Variants in POLR1A observed in about 807,000 individuals in gnomAD.
POLR1A encodes DNA-directed RNA polymerase I subunit RPA1.
A neutral mutation model predicts 205.3 loss-of-function variants in POLR1A; 84 were observed. The observed-to-expected ratio is 0.41, with a 90% CI of 0.34 to 0.49. POLR1A has a LOEUF of 0.49. POLR1A is among the 20% of genes least tolerant of loss of function. POLR1A has a pLI of 0.22. For missense variants in POLR1A, 1,645 were observed against 2,204.5 expected (o/e 0.75, Z 5.08); for synonymous variants, 799 against 863.7 (o/e 0.93, Z 1.31).
chr2:86,079,526 C>T (rs779661267), intron 9 of POLR1A, among the ~76,000 whole-genome samples: 9 of 151,920 alleles, frequency 5.9e-5, no homozygotes, highest in Non-Finnish European at 1.2e-4. Context: ...CCCTCAGAGG[C>T]GAAGCATTTG....
rs1690211173 is a variant in POLR1A at position 86,024,086 on chromosome 2, A to T, written c.*3337T>A. The T allele has an allele frequency of 6.5e-6, 1 of 153,432 alleles. No homozygotes were observed. The highest frequency in any genetic ancestry group is 1.5e-5 in the Non-Finnish European group (1 of 68,790). 9.5% of individuals were successfully genotyped at this position (153,432 alleles called of 1,614,324 possible). A position where few individuals can be genotyped will look rare whatever the true frequency, so the allele number is the denominator to read the frequency against. ...TATCCATGTTCACAGCGTTATTTGC[A>T]ACAGCCAAGAGGTGGAGGCAACCCA... On this transcript the variant is annotated 3_prime_UTR_variant, in exon 34 of 34. Coordinates refer to ENST00000263857, the MANE Select transcript of POLR1A (RefSeq NM_015425.6).
intron 14 of POLR1A, among the ~76,000 whole-genome samples, chr2:86,058,616 T>C (rs1672942843): frequency 6.6e-6 from 1 of 151,470 alleles, no homozygotes; most frequent in Admixed American, 6.6e-5. Flanking sequence ...AATGTATAAT[T>C]TACTTTCTGG....
intron 8 of POLR1A, 81 bp from the exon 9 acceptor site, chr2:86,081,059 G>A: frequency 2.3e-6 from 3 of 1,304,608 alleles, no homozygotes; most frequent in Admixed American, 4.0e-5. Flanking sequence ...CATGCCTACT[G>A]TAGGGAGCAC....
chr2:86,058,374 C>T (rs1057491383), intron 14 of POLR1A, among the ~76,000 whole-genome samples: 6 of 146,576 alleles, frequency 4.1e-5, no homozygotes, highest in Admixed American at 4.1e-4. Flanking sequence ...GCTGGGATTA[C>T]AGGTGTGAGC....
At chr2:86,048,060 T>C (rs1672738525) in intron 18 of POLR1A, among the ~76,000 whole-genome samples, 1 of 152,178 alleles carries the variant, frequency 6.6e-6, no homozygotes, top group Non-Finnish European at 1.5e-5. Context: ...GGATGGAACC[T>C]GTCCCCATGA....
At chr2:86,076,195 C>T (rs930445676) in intron 11 of POLR1A, among the ~76,000 whole-genome samples, 6 of 152,140 alleles carry the variant, frequency 3.9e-5, no homozygotes, top group Non-Finnish European at 7.4e-5. Context: ...CTAATGCTTC[C>T]AAATGTACAC....
intron 6 of POLR1A, among the ~76,000 whole-genome samples, chr2:86,087,230 C>T (rs1673517977): frequency 6.6e-6 from 1 of 152,208 alleles, no homozygotes; most frequent in Admixed American, 6.5e-5. Flanking sequence ...TTATCCTAAA[C>T]TATAACATTT....
intron 12 of POLR1A, among the ~76,000 whole-genome samples, chr2:86,074,153 G>T (rs763619332): frequency 6.6e-6 from 1 of 152,190 alleles, no homozygotes; most frequent in Non-Finnish European, 1.5e-5. Flanking sequence ...GGGCACCGCC[G>T]CAAGGCCAGG....
chr2:86,092,749 C>T (rs1011842581), intron 3 of POLR1A, among the ~76,000 whole-genome samples: 10 of 152,100 alleles, frequency 6.6e-5, no homozygotes, highest in Admixed American at 4.6e-4. Context: ...CACTTGAACC[C>T]GGGAGGTGGA....
Position 86,044,219 on chromosome 2 carries a change from A to G in POLR1A, c.3055T>C (p.Tyr1019His). 5 of 1,614,050 alleles carry G rather than the reference A, an allele frequency of 3.1e-6. No homozygotes were observed. Among genetic ancestry groups the G allele is most frequent in the Non-Finnish European group, 4.2e-6 (5 of 1,180,006 alleles). ...GGGATGTCCAGGCCATCCTCCCCATACAGGAACTGCACCACACTGCCGTCA... is the reference window on the plus strand; with the variant it reads ...GGGATGTCCAGGCCATCCTCCCCATGCAGGAACTGCACCACACTGCCGTCA... ...DSDGSVVQFL[Y>H]GEDGLDIPKT... The change falls in exon 22 of 34, where the codon TAT (tyrosine) becomes CAT (histidine). Residue 1019 changes from tyrosine (Y) to histidine (H), a missense_variant. Tyr to His is a moderately conservative substitution (Grantham distance 83, BLOSUM62 2). Coordinates refer to ENST00000263857, the MANE Select transcript of POLR1A (RefSeq NM_015425.6).
intron 13 of POLR1A, among the ~76,000 whole-genome samples, chr2:86,068,157 G>A (rs1673114839): frequency 6.6e-6 from 1 of 152,110 alleles, no homozygotes; most frequent in Non-Finnish European, 1.5e-5. Flanking sequence ...ACTGGTCTGA[G>A]GACTTCAGAG....
chr2:86,100,031 G>A lies in POLR1A; in HGVS notation c.219C>T (p.Asn73=), dbSNP rs772527038. ...VCSTCVQDFS[N]CSGHLGHIEL... ...CAATGTGGCCCAGGTGCCCAGAACAGTTGCTGAAGTCCTGCACGCAGGTGG... is the reference window on the plus strand; with the variant it reads ...CAATGTGGCCCAGGTGCCCAGAACAATTGCTGAAGTCCTGCACGCAGGTGG... The change falls in exon 2 of 34, where the codon AAC becomes AAT. Residue 73 remains asparagine, a synonymous_variant. Transcript: ENST00000263857. The A allele has an allele frequency of 6.2e-7, 1 of 1,614,168 alleles. No individual in the cohort carries two copies. The highest frequency in any genetic ancestry group is 8.5e-7 in the Non-Finnish European group (1 of 1,180,026).
chr2:86,089,837 C>T lies in POLR1A; in HGVS notation c.525G>A (p.Gly175=). ...TTEIVQNNLL[G]SQGAHVKNVC... ...GTTAACTCACATGTGCGCCCTGGGACCCCAGGAGGTTGTTCTGCACAATTT... is the reference window on the plus strand; with the variant it reads ...GTTAACTCACATGTGCGCCCTGGGATCCCAGGAGGTTGTTCTGCACAATTT... Residue 175 remains glycine, a synonymous_variant, in exon 4 of 34, where the codon GGG becomes GGA. Coordinates refer to ENST00000263857, the MANE Select transcript of POLR1A (RefSeq NM_015425.6). 2 of 1,603,432 alleles carry T rather than the reference C, an allele frequency of 1.2e-6. No homozygotes were observed. Among genetic ancestry groups the T allele is most frequent in the Non-Finnish European group, 1.7e-6 (2 of 1,170,196 alleles).
chr2:86,044,443 A>G, intron 21 of POLR1A, 139 bp from the exon 22 acceptor site: 1 of 835,774 alleles, frequency 1.2e-6, no homozygotes, highest in Admixed American at 2.5e-5. Context: ...AACAGGCTAG[A>G]TCCAATGCCC....
chr2:86,051,333 T>C (rs1030650889), intron 16 of POLR1A, among the ~76,000 whole-genome samples: 8 of 151,664 alleles, frequency 5.3e-5, no homozygotes, highest in Admixed American at 1.3e-4. Context: ...GACAAATGCA[T>C]GCTGGGTGAT....
chr2:86,040,528 G>A lies in POLR1A; in HGVS notation c.3604C>T (p.Arg1202Cys), dbSNP rs191297520. 7.3e-5 allele frequency: 116 copies of A among 1,597,442 alleles called. No individual in the cohort carries two copies. In the East Asian group the frequency reaches 2.0e-3, roughly 28 times the overall value. ...LRTLLQLKWQ[R>C]SLCEPGEAVG... The stretch of plus-strand genomic sequence containing the variant: ...GCCTCGCCCGGCTCACACAGTGAGC[G>A]CTGCCACTTCAGCTGCAGCAAGGTC... Residue 1202 changes from arginine to cysteine, a missense_variant, in exon 25 of 34, where the codon CGC becomes TGC. Around this residue, in one of 16 missense-constraint regions of POLR1A, gnomAD observed 201 missense variants for 222.3 expected, o/e 0.90. Coordinates refer to ENST00000263857, the MANE Select transcript of POLR1A (RefSeq NM_015425.6).
At chr2:86,071,175 GA>G (rs55714410) in intron 12 of POLR1A, among the ~76,000 whole-genome samples, 1,588 of 144,276 alleles carry the variant, frequency 0.011, 30 homozygotes, top group East Asian at 0.099. Context: ...GTGACATGAT[GA>G]AAAAAAAAAA....
chr2:86,073,478 C>T (rs552307443), intron 12 of POLR1A, among the ~76,000 whole-genome samples: 1 of 152,310 alleles, frequency 6.6e-6, no homozygotes, highest in African/African-American at 2.4e-5. Context: ...TCGCTGCCTT[C>T]AGTCCCCTCT....
intron 13 of POLR1A, among the ~76,000 whole-genome samples, chr2:86,068,150 G>C (rs1308258242): frequency 1.3e-5 from 2 of 152,110 alleles, no homozygotes; most frequent in Non-Finnish European, 2.9e-5. Context: ...CAAGGTCACT[G>C]GTCTGAGGAC....
Sources: allele counts gnomAD v4.1 joint callset (sites outside exome capture counted in the v4.1 genomes callset), GRCh38; gene constraint gnomAD v4.1.1; regional missense constraint gnomAD v4.1.1; transcripts MANE v1.5; gene names NCBI Gene and HGNC (gene_info 2026-07-23, HGNC 2026-07-21).